Variants in TET2 observed in about 807,000 individuals in gnomAD.
TET2 encodes tet methylcytosine dioxygenase 2.
A neutral mutation model predicts 142.9 loss-of-function variants in TET2; 299 were observed. That is an observed-to-expected ratio of 2.09 (90% CI 1.90 to 2.30). The LOEUF (loss-of-function observed/expected upper bound fraction) is 2.30, where lower values mean the gene tolerates loss of function less well. TET2 is among the 30% of genes most tolerant of loss of function. The pLI, the probability that TET2 is intolerant of heterozygous loss-of-function variation, is 0.00. For missense variants in TET2, 2,418 were observed against 2,378.0 expected, an observed-to-expected ratio of 1.02 and a Z score of -0.35; for synonymous variants, 819 against 849.0, an observed-to-expected ratio of 0.96 and a Z score of 0.61.
intron 1 of TET2, among the ~76,000 whole-genome samples, chr4:105,187,096 T>C (rs377279067): frequency 4.2e-4 from 64 of 152,306 alleles, no homozygotes; most frequent in African/African-American, 1.5e-3. Flanking sequence ...CCCAATCTTG[T>C]GCCAGCTCAG....
At chr4:105,155,017 CCTCT>C (rs1183215599) in intron 1 of TET2, among the ~76,000 whole-genome samples, 1 of 151,540 alleles carries the variant, frequency 6.6e-6, no homozygotes, top group African/African-American at 2.4e-5. Context: ...AAAATGAGAC[CCTCT>C]CTCTCAAAAA....
intron 2 of TET2, among the ~76,000 whole-genome samples, chr4:105,198,364 T>A (rs1401386470): frequency 6.6e-6 from 1 of 152,110 alleles, no homozygotes. Flanking sequence ...ATAAAATACA[T>A]AAATAAATGC....
In TET2 at chr4:105,275,490, G is replaced by A. The variant is rs2110313441; in HGVS notation, c.4980G>A (p.Arg1660=). ...AGTCTCAGCCGATGGATCTGTATAG[G>A]TATCCAAGCCAAGACCCTCTGTCTA... ...SPQSQPMDLY[R]YPSQDPLSKL... Residue 1660 remains arginine (R), a synonymous_variant, in exon 11 of 11, where the codon AGG becomes AGA. Transcript: ENST00000380013. 6.4e-7 allele frequency: 1 copy of A among 1,551,574 alleles called. No homozygotes were observed. The highest frequency in any genetic ancestry group is 8.7e-7 in the Non-Finnish European group (1 of 1,146,972).
rs1163485831 is a variant in TET2, at chr4:105,275,446, C to T, written c.4936C>T (p.Leu1646=). Residue 1646 remains leucine, a synonymous_variant, in exon 11 of 11, where the codon CTG becomes TTG. Transcript: ENST00000380013. The stretch of plus-strand genomic sequence containing the variant: ...ATCAGTGGACAACTGCTCCCCATAT[C>T]TGGGTTCCTATTCTCCCCAGTCTCA... ...NLSVDNCSPY[L]GSYSPQSQPM... 9 of 1,551,578 alleles carry T rather than the reference C, an allele frequency of 5.8e-6. No individual in the cohort carries two copies. Among genetic ancestry groups the T allele is most frequent in the Non-Finnish European group, 7.0e-6 (8 of 1,146,992 alleles).
At chr4:105,224,982 T>C (rs1728095699) in intron 2 of TET2, among the ~76,000 whole-genome samples, 1 of 152,126 alleles carries the variant, frequency 6.6e-6, no homozygotes, top group African/African-American at 2.4e-5. Flanking sequence ...GGATCTAAAT[T>C]ATAACCTTTT....
chr4:105,250,380 A>ATTTTTTTGTTTTTTTT (rs1729805365), intron 6 of TET2, among the ~76,000 whole-genome samples: 1 of 60,276 alleles, frequency 1.7e-5, no homozygotes, highest in Non-Finnish European at 2.8e-5. Context: ...TCCTTTCTGG[A>ATTTTTTTGTTTTTTTT]TTTTTTTTTT....
At chr4:105,260,145 ATAATT>A (rs1316800280) in intron 7 of TET2, among the ~76,000 whole-genome samples, 2 of 152,168 alleles carry the variant, frequency 1.3e-5, no homozygotes, top group African/African-American at 2.4e-5. Context: ...TGAGATTCAA[ATAATT>A]TAAAGTCACT....
chr4:105,268,708 C>CGAG (rs1460327623), intron 8 of TET2, among the ~76,000 whole-genome samples: 5 of 152,192 alleles, frequency 3.3e-5, no homozygotes, highest in Non-Finnish European at 7.3e-5. Flanking sequence ...CAGTGGCTCA[C>CGAG]GCCTGTAATT....
intron 2 of TET2, among the ~76,000 whole-genome samples, chr4:105,204,869 A>C (rs1431030375): frequency 6.6e-6 from 1 of 152,140 alleles, no homozygotes. Flanking sequence ...GCTATTCACT[A>C]GATTATTTTC....
At position 105,275,871 on chromosome 4, in the gene TET2, T is replaced by C. The variant is rs1000558256; in HGVS notation, c.5361T>C (p.Asn1787=). ...LHALHLQNKE[N]DMLSHTANGL... ...CCCTGCATCTCCAAAACAAGGAGAA[T>C]GACATGCTTTCCCACACAGCTAATG... The change falls in exon 11 of 11, where the codon AAT becomes AAC. Residue 1787 remains asparagine (N), a synonymous_variant. Coordinates refer to ENST00000380013, the MANE Select transcript of TET2 (RefSeq NM_001127208.3). The C allele has an allele frequency of 9.0e-6, 14 of 1,552,014 alleles. No homozygotes were observed. Among genetic ancestry groups the C allele is most frequent in the African/African-American group, 1.4e-5 (1 of 73,174 alleles).
chr4:105,267,329 A>G (rs1578728479), intron 8 of TET2, among the ~76,000 whole-genome samples: 1 of 152,078 alleles, frequency 6.6e-6, no homozygotes, highest in Non-Finnish European at 1.5e-5. Context: ...AAAATAGTAA[A>G]CATGGTTAAA....
chr4:105,252,053 T>G (rs1225317150), intron 6 of TET2, among the ~76,000 whole-genome samples: 1 of 152,158 alleles, frequency 6.6e-6, no homozygotes, highest in Admixed American at 6.5e-5. Flanking sequence ...TGAAAGTTCA[T>G]AGTTTAGAGT....
At chr4:105,227,288 G>A (rs1728246170) in intron 2 of TET2, among the ~76,000 whole-genome samples, 1 of 152,158 alleles carries the variant, frequency 6.6e-6, no homozygotes, top group Admixed American at 6.5e-5. Context: ...CTCTGTTCTT[G>A]TATATAAACT....
rs1298953701 is a variant in TET2, at chr4:105,249,828, G to A, written c.3803+6050G>A. Among the ~76,000 whole-genome samples, 3 of 152,170 alleles carry A rather than the reference G, an allele frequency of 2.0e-5. No individual in the cohort carries two copies. In the East Asian group the frequency reaches 5.8e-4, roughly 29 times the overall value. On this transcript the variant is annotated intron_variant, in intron 6 of 10. Coordinates refer to ENST00000380013, the MANE Select transcript of TET2 (RefSeq NM_001127208.3). Reference sequence around the variant, plus strand: ...TTGAACTTTGTCAAATGCCTGGTTTGCAGATATTTTCTCCTATCCCACAGG... The same window carrying A: ...TTGAACTTTGTCAAATGCCTGGTTTACAGATATTTTCTCCTATCCCACAGG...
At chr4:105,205,956 A>C (rs1200722863) in intron 2 of TET2, among the ~76,000 whole-genome samples, 3 of 152,198 alleles carry the variant, frequency 2.0e-5, no homozygotes, top group African/African-American at 7.2e-5. Context: ...TTAATGGAGC[A>C]TTTAGAACGT....
Position 105,276,206 on chromosome 4 carries a change from T to C in TET2, c.5696T>C (p.Leu1899Pro). 1 of 1,551,608 alleles carries C rather than the reference T, an allele frequency of 6.4e-7. No individual in the cohort carries two copies. Among genetic ancestry groups the C allele is most frequent in the Non-Finnish European group, 8.7e-7 (1 of 1,146,962 alleles). ...AGGAATCACCCCACCAGGATCTCCC[T>C]CGTCTTTTACCAGCATAAGAGCATG... ...PNRNHPTRISLVFYQHKSMNE... is the reference protein window; with the variant it reads ...PNRNHPTRISPVFYQHKSMNE... The change falls in exon 11 of 11, where the codon CTC (leucine) becomes CCC (proline). Residue 1899 changes from leucine to proline, a missense_variant. Leu to Pro is a moderately conservative substitution (Grantham distance 98). Coordinates refer to ENST00000380013, the MANE Select transcript of TET2 (RefSeq NM_001127208.3).
At chr4:105,248,003 T>G (rs1312167396) in intron 6 of TET2, among the ~76,000 whole-genome samples, 2 of 152,230 alleles carry the variant, frequency 1.3e-5, no homozygotes, top group African/African-American at 4.8e-5. Context: ...ATTACAGGCA[T>G]GAGCTATCAC....
chr4:105,213,633 A>G (rs1457653229), intron 2 of TET2, among the ~76,000 whole-genome samples: 2 of 152,210 alleles, frequency 1.3e-5, no homozygotes, highest in Non-Finnish European at 2.9e-5. Context: ...TTTCACTGCA[A>G]GTGAAGACAT....
chr4:105,270,211 T>G (rs565818324), intron 9 of TET2, among the ~76,000 whole-genome samples: 37 of 152,338 alleles, frequency 2.4e-4, no homozygotes, highest in African/African-American at 8.7e-4. Flanking sequence ...TCTGCAGGTT[T>G]CACTGGACAG....
Sources: allele counts gnomAD v4.1 joint callset (sites outside exome capture counted in the v4.1 genomes callset), GRCh38; gene constraint gnomAD v4.1.1; transcripts MANE v1.5; gene names NCBI Gene and HGNC (gene_info 2026-07-23, HGNC 2026-07-21).